SPOCK3: variants seen among roughly 807,000 people sequenced by gnomAD.
SPOCK3 encodes the protein testican-3.
A neutral mutation model predicts 56.6 loss-of-function variants in SPOCK3; 30 were observed. The ratio of observed to expected loss-of-function variants is 0.53; its 90% CI spans 0.40 to 0.72. The LOEUF is 0.72. Ranked by LOEUF, SPOCK3 falls within the 30% of genes least tolerant of loss-of-function variation. The pLI is 0.00. For synonymous variants in SPOCK3, 196 were observed against 183.3 expected, an observed-to-expected ratio of 1.07 and a Z score of -0.56; for missense variants, 527 against 530.0, an observed-to-expected ratio of 0.99 and a Z score of 0.06.
chr4:167,164,953 C>A (rs1765631395), intron 2 of SPOCK3, among the ~76,000 whole-genome samples: 1 of 151,972 alleles, frequency 6.6e-6, no homozygotes, highest in African/African-American at 2.4e-5. Context: ...GGGTATATAT[C>A]CAGTAATGGG....
At chr4:167,226,722 A>C (rs1480194097) in intron 2 of SPOCK3, among the ~76,000 whole-genome samples, 11 of 152,042 alleles carry the variant, frequency 7.2e-5, no homozygotes. Flanking sequence ...TTCTAGGACA[A>C]GGTGATTGTC....
rs1489975697 is a variant in SPOCK3 at position 167,190,781 on chromosome 4, A to C, written c.189+43204T>G. On this transcript the variant is annotated intron_variant, in intron 2 of 10. Transcript: ENST00000357545. The stretch of plus-strand genomic sequence containing the variant: ...TACGTCTTTAATCCATTTTAAGTTA[A>C]ATTTTGTGTATGATATAAGATAAGG... Among the ~76,000 whole-genome samples, 2 of 145,532 alleles carry C rather than the reference A, an allele frequency of 1.4e-5. 1 individual carries two copies. The highest frequency in any genetic ancestry group is 3.0e-5 in the Non-Finnish European group (2 of 66,648).
chr4:167,226,473 C>T (rs913440563), intron 2 of SPOCK3, among the ~76,000 whole-genome samples: 52 of 152,150 alleles, frequency 3.4e-4, no homozygotes, highest in East Asian at 1.9e-4. Flanking sequence ...TCAGAGGACA[C>T]GGGGATGGAG....
intron 6 of SPOCK3, among the ~76,000 whole-genome samples, chr4:166,820,395 A>G (rs1361404260): frequency 1.3e-5 from 2 of 152,122 alleles, no homozygotes; most frequent in African/African-American, 4.8e-5. Context: ...AGAGGTTTAT[A>G]CAGATATACA....
intron 2 of SPOCK3, among the ~76,000 whole-genome samples, chr4:167,183,037 C>T (rs1023425761): frequency 4.6e-5 from 7 of 151,412 alleles, no homozygotes; most frequent in African/African-American, 1.2e-4. Flanking sequence ...AGAGACTGTG[C>T]AAGTTCCTGA....
At chr4:166,952,703 C>G (rs533229269) in intron 4 of SPOCK3, among the ~76,000 whole-genome samples, 1,820 of 152,192 alleles carry the variant, frequency 0.012, 39 homozygotes, top group African/African-American at 0.042. Flanking sequence ...GCTACAGTAA[C>G]CAAAACAGCA....
At chr4:167,136,136 C>G (rs756866568) in intron 2 of SPOCK3, among the ~76,000 whole-genome samples, 3 of 152,002 alleles carry the variant, frequency 2.0e-5, no homozygotes, top group Admixed American at 6.6e-5. Context: ...AAATCTCTAG[C>G]CCCACCCCAA....
intron 3 of SPOCK3, among the ~76,000 whole-genome samples, chr4:167,045,900 C>T (rs1476780737): frequency 6.6e-6 from 1 of 152,020 alleles, no homozygotes; most frequent in Non-Finnish European, 1.5e-5. Flanking sequence ...TTCTCAGTAA[C>T]CTTCCTTTTT....
intron 2 of SPOCK3, among the ~76,000 whole-genome samples, chr4:167,148,875 A>C (rs556063248): frequency 4.6e-5 from 7 of 152,262 alleles, no homozygotes; most frequent in African/African-American, 1.7e-4. Flanking sequence ...TGTTCTGAAA[A>C]GCTAAAAAAA....
intron 5 of SPOCK3, among the ~76,000 whole-genome samples, chr4:166,892,963 G>C (rs551689968): frequency 1.3e-5 from 2 of 152,156 alleles, no homozygotes; most frequent in Admixed American, 6.6e-5. Context: ...AAATCATCAT[G>C]GCCCTGCTAC....
chr4:167,162,825 C>A (rs556531522), intron 2 of SPOCK3, among the ~76,000 whole-genome samples: 1 of 151,898 alleles, frequency 6.6e-6, no homozygotes, highest in Non-Finnish European at 1.5e-5. Flanking sequence ...TGAAGACGTG[C>A]AGTGTTCATA....
chr4:166,775,069 C>A (rs1011139725), intron 7 of SPOCK3, among the ~76,000 whole-genome samples: 1 of 151,952 alleles, frequency 6.6e-6, no homozygotes, highest in Admixed American at 6.6e-5. Context: ...ATTATTTGAG[C>A]AGAAATATAA....
intron 6 of SPOCK3, among the ~76,000 whole-genome samples, chr4:166,842,786 C>G (rs1747590420): frequency 6.6e-6 from 1 of 152,228 alleles, no homozygotes; most frequent in Non-Finnish European, 1.5e-5. Context: ...CCTGGTGGAT[C>G]CTGTGCCAGA....
chr4:166,806,079 C>T (rs1304556838), intron 6 of SPOCK3, among the ~76,000 whole-genome samples: 11 of 151,922 alleles, frequency 7.2e-5, no homozygotes, highest in Admixed American at 7.2e-4. Flanking sequence ...GAAAAAAATG[C>T]TTAAATTATG....
Position 167,060,611 on chromosome 4 carries a change from A to G in SPOCK3, c.235+1881T>C, listed in dbSNP as rs191281067. Among the ~76,000 whole-genome samples, 260 of 152,274 alleles carry G rather than the reference A, an allele frequency of 1.7e-3. 1 individual carries two copies. Among genetic ancestry groups the G allele is most frequent in the African/African-American group, 5.9e-3 (244 of 41,586 alleles). ...TATGTTCAAGAAATCAAAACTTGAGATCAGATAGTCTAAAAAATACTGTTT... is the reference window on the plus strand; with the variant it reads ...TATGTTCAAGAAATCAAAACTTGAGGTCAGATAGTCTAAAAAATACTGTTT... On this transcript the variant is annotated intron_variant, in intron 3 of 10. Transcript: ENST00000357545.
intron 4 of SPOCK3, among the ~76,000 whole-genome samples, chr4:166,933,834 T>C (rs1740070113): frequency 6.6e-6 from 1 of 152,170 alleles, no homozygotes; most frequent in Non-Finnish European, 1.5e-5. Context: ...AGGATCTTTC[T>C]CCTGCAATGA....
intron 2 of SPOCK3, among the ~76,000 whole-genome samples, chr4:167,223,748 G>A (rs184171110): frequency 5.9e-5 from 9 of 152,194 alleles, no homozygotes; most frequent in East Asian, 1.9e-4. Context: ...CTAGGAGTTC[G>A]AGACCAGCTT....
intron 6 of SPOCK3, among the ~76,000 whole-genome samples, chr4:166,871,991 C>A (rs1732530718): frequency 6.6e-6 from 1 of 150,644 alleles, no homozygotes. Flanking sequence ...CTTGACAAAA[C>A]AAGGTATAAA....
At chr4:166,899,524 T>TTTTTTTTTTTA (rs1735808390) in intron 5 of SPOCK3, among the ~76,000 whole-genome samples, 1 of 149,566 alleles carries the variant, frequency 6.7e-6, no homozygotes, top group African/African-American at 2.5e-5. Flanking sequence ...TTTTTTTTTT[T>TTTTTTTTTTTA]GAGACAGAGT....
Sources: gnomAD v4.1 joint callset for allele counts (sites outside exome capture counted in the v4.1 genomes callset) on GRCh38, gnomAD v4.1.1 for gene constraint, MANE v1.5 for transcripts, NCBI Gene and HGNC (gene_info 2026-07-23, HGNC 2026-07-21) for gene names.